Variants in TMSB15B observed in about 807,000 individuals in gnomAD.
TMSB15B encodes the protein thymosin beta-15B.
chrX:103,939,678 C>A (rs1322422210), intron 1 of TMSB15B, among the ~76,000 whole-genome samples: 1 of 111,278 alleles, frequency 9.0e-6, no homozygotes, highest in Non-Finnish European at 1.9e-5. Flanking sequence ...AACTCATTCT[C>A]CATCCAGTTT....
At chrX:103,919,790 A>G (rs1259501349) in intron 1 of TMSB15B, among the ~76,000 whole-genome samples, 1 of 112,524 alleles carries the variant, frequency 8.9e-6, no homozygotes, top group East Asian at 2.8e-4. Context: ...CAGAGAGGTT[A>G]AGCGTCTTGC....
chrX:103,945,353 C>T (rs782512668), intron 1 of TMSB15B, among the ~76,000 whole-genome samples: 86 of 111,841 alleles, frequency 7.7e-4, no homozygotes, highest in South Asian at 1.9e-3. Flanking sequence ...CTGATGAGGG[C>T]CTTGTACTGT....
intron 1 of TMSB15B, among the ~76,000 whole-genome samples, chrX:103,955,330 G>A (rs1425949827): frequency 9.0e-6 from 1 of 110,615 alleles, no homozygotes; most frequent in African/African-American, 3.3e-5. Context: ...CAGATGTATA[G>A]GAAAGAAGTT....
intron 1 of TMSB15B, among the ~76,000 whole-genome samples, chrX:103,930,640 G>A (rs1166122937): frequency 9.2e-6 from 1 of 108,538 alleles, no homozygotes; most frequent in South Asian, 4.1e-4. Flanking sequence ...TTGACTCACT[G>A]TCAGTAAGAC....
chrX:103,954,732 A>G (rs1238497558), intron 1 of TMSB15B, among the ~76,000 whole-genome samples: 2 of 110,747 alleles, frequency 1.8e-5, no homozygotes, highest in Non-Finnish European at 3.8e-5. Context: ...GGGCACAGAG[A>G]AGGCACCCAG....
chrX:103,952,645 T>C (rs1602444447), intron 1 of TMSB15B, among the ~76,000 whole-genome samples: 2 of 111,901 alleles, frequency 1.8e-5, no homozygotes, highest in South Asian at 7.6e-4. Flanking sequence ...GAGGTTAGAA[T>C]GTAGCAGTTG....
intron 1 of TMSB15B, among the ~76,000 whole-genome samples, chrX:103,921,696 G>A (rs1556317832): frequency 1.8e-5 from 2 of 112,226 alleles, no homozygotes; most frequent in East Asian, 5.6e-4. Context: ...AAGCTTGAAG[G>A]TTTAGAGATA....
intron 1 of TMSB15B, among the ~76,000 whole-genome samples, chrX:103,940,324 G>A (rs1286762235): frequency 2.7e-5 from 3 of 112,315 alleles, no homozygotes; most frequent in African/African-American, 9.7e-5. Context: ...CCTGACTGGG[G>A]CTGCTGCCTT....
intron 1 of TMSB15B, among the ~76,000 whole-genome samples, chrX:103,924,877 G>A (rs1409401305): frequency 1.8e-5 from 2 of 111,197 alleles, no homozygotes; most frequent in Non-Finnish European, 3.8e-5. Flanking sequence ...CCATTCGGTG[G>A]TCTGTACTTT....
intron 1 of TMSB15B, among the ~76,000 whole-genome samples, chrX:103,930,151 C>T (rs1238833931): frequency 1.8e-5 from 2 of 111,346 alleles, no homozygotes; most frequent in Non-Finnish European, 3.8e-5. Flanking sequence ...TTACATAAAC[C>T]CCAAACACTA....
chrX:103,933,445 C>G (rs782597716), intron 1 of TMSB15B, among the ~76,000 whole-genome samples: 1 of 111,449 alleles, frequency 9.0e-6, no homozygotes, highest in South Asian at 3.8e-4. Flanking sequence ...CATGTAATAA[C>G]TAGCCCGGGC....
At chrX:103,927,395 A>G (rs1204271234) in intron 1 of TMSB15B, among the ~76,000 whole-genome samples, 5 of 112,195 alleles carry the variant, frequency 4.5e-5, no homozygotes, top group Admixed American at 3.8e-4. Flanking sequence ...CTGCTCTATT[A>G]TATAGCTACA....
At chrX:103,933,795 C>T (rs2074990451) in intron 1 of TMSB15B, among the ~76,000 whole-genome samples, 2 of 106,370 alleles carry the variant, frequency 1.9e-5, no homozygotes, top group Non-Finnish European at 3.9e-5. Flanking sequence ...GAGGGTCATT[C>T]TGGTTGTTTG....
Position 103,919,206 on chromosome X carries a change from G to T in TMSB15B, c.-807G>T, listed in dbSNP as rs1389082223. On this transcript the variant is annotated 5_prime_UTR_variant, in exon 1 of 4. Coordinates refer to the TMSB15B transcript ENST00000419165. Reference sequence around the variant, plus strand: ...GCTAGCAAGACTCGGGAGCTGGCTGGCGGGGGCTGAGGCCGACAGGCACGG... The same window carrying T: ...GCTAGCAAGACTCGGGAGCTGGCTGTCGGGGGCTGAGGCCGACAGGCACGG... 2.6e-5 allele frequency: 3 copies of T among 113,359 alleles called. No homozygotes were observed. In the East Asian group the frequency reaches 8.4e-4, roughly 32 times the overall value. 9.3% of individuals were successfully genotyped at this position (113,359 alleles called of 1,213,427 possible).
chrX:103,944,002 G>A (rs1232741723), intron 1 of TMSB15B, among the ~76,000 whole-genome samples: 1 of 111,933 alleles, frequency 8.9e-6, no homozygotes, highest in African/African-American at 3.3e-5. Flanking sequence ...TGTTGATCAT[G>A]TGATCCGACT....
chrX:103,953,739 C>T (rs782816650), intron 1 of TMSB15B, among the ~76,000 whole-genome samples: 15 of 112,027 alleles, frequency 1.3e-4, no homozygotes, highest in East Asian at 8.5e-4. Flanking sequence ...ACCTCCCAAC[C>T]GGGGCCTCCA....
chrX:103,936,276 T>C (rs1181738121), intron 1 of TMSB15B, among the ~76,000 whole-genome samples: 2 of 112,217 alleles, frequency 1.8e-5, no homozygotes, highest in South Asian at 7.5e-4. Flanking sequence ...ACTCTTCCTA[T>C]CCATGAGCAT....
At chrX:103,932,541 T>A (rs1556320118) in intron 1 of TMSB15B, 1 of 112,442 alleles carries the variant, frequency 8.9e-6, no homozygotes, top group Non-Finnish European at 1.9e-5. Flanking sequence ...TATAAAAACT[T>A]TATGTATGTT....
intron 1 of TMSB15B, chrX:103,931,971 C>T (rs1400082023): frequency 1.8e-5 from 2 of 111,976 alleles, no homozygotes; most frequent in Non-Finnish European, 3.8e-5. Flanking sequence ...GGTTAGCTTC[C>T]AGATAGCTGA....
Sources: allele counts gnomAD v4.1 joint callset (sites outside exome capture counted in the v4.1 genomes callset), GRCh38; gene constraint gnomAD v4.1.1; transcripts MANE v1.5; gene names NCBI Gene and HGNC (gene_info 2026-07-23, HGNC 2026-07-21).